AQP7: variants seen among roughly 807,000 people sequenced by gnomAD.
AQP7 encodes aquaporin 7.
Under a neutral mutation model 26.1 loss-of-function variants are expected in AQP7, and 22 were observed. That is an observed-to-expected ratio of 0.84 (90% CI 0.60 to 1.20). AQP7 has a LOEUF of 1.20. AQP7 is among the 50% of genes most tolerant of loss of function. The pLI is 0.00. For synonymous variants in AQP7, 167 were observed against 181.7 expected (o/e 0.92, Z 0.65); for missense variants, 412 against 457.5 (o/e 0.90, Z 0.91).
intron 3 of AQP7, chr9:33,393,877 C>G (rs1382590321): frequency 6.6e-6 from 1 of 152,422 alleles, no homozygotes; most frequent in African/African-American, 2.4e-5. Context: ...GTCATGCAGT[C>G]TGCTCTGGTT....
chr9:33,389,687 G>A (rs16935913), intron 3 of AQP7, among the ~76,000 whole-genome samples: 4,007 of 152,248 alleles, frequency 0.026, 174 homozygotes, highest in African/African-American at 0.091. Flanking sequence ...TTGTAGACAT[G>A]AGGGCCGAAG....
chr9:33,401,540 C>T (rs1023302335), intron 1 of AQP7: 16 of 521,206 alleles, frequency 3.1e-5, no homozygotes, highest in African/African-American at 2.3e-4. Context: ...GCTGACCTTC[C>T]GTGTCTGCAG....
At chr9:33,392,889 A>G (rs1461031676) in intron 3 of AQP7, among the ~76,000 whole-genome samples, 2 of 152,140 alleles carry the variant, frequency 1.3e-5, no homozygotes, top group African/African-American at 4.8e-5. Context: ...TTCTTCACAC[A>G]AGTCCTCCAG....
intron 4 of AQP7, 134 bp from the exon 5 acceptor site, chr9:33,386,675 C>T (rs2118777933): frequency 7.9e-7 from 1 of 1,265,936 alleles, no homozygotes; most frequent in Non-Finnish European, 1.1e-6. Context: ...GCCCTCACAA[C>T]CACCCCGTGA....
intron 3 of AQP7, chr9:33,391,423 C>T (rs111904021): frequency 3.9e-6 from 1 of 254,600 alleles, no homozygotes; most frequent in African/African-American, 2.2e-5. Context: ...GCCCCCGTAG[C>T]ATGTGATCTA....
chr9:33,390,027 C>CAAAAA (rs778333672), intron 3 of AQP7, among the ~76,000 whole-genome samples: 15 of 78,274 alleles, frequency 1.9e-4, no homozygotes, highest in East Asian at 1.4e-3. Context: ...GACTCCGTCT[C>CAAAAA]AAAAAAAAAA....
At chr9:33,399,922 G>T (rs191151020) in intron 2 of AQP7, among the ~76,000 whole-genome samples, 117 of 152,240 alleles carry the variant, frequency 7.7e-4, no homozygotes, top group Admixed American at 1.5e-3. Context: ...AGACATGGGG[G>T]AGAGGGAAGT....
intron 3 of AQP7, among the ~76,000 whole-genome samples, chr9:33,388,728 T>C (rs902666902): frequency 6.6e-6 from 1 of 152,240 alleles, no homozygotes; most frequent in African/African-American, 2.4e-5. Context: ...TTGAATGGCT[T>C]GTCCAAGGTC....
At chr9:33,397,860 C>G (rs1825965121) in intron 2 of AQP7, among the ~76,000 whole-genome samples, 1 of 152,206 alleles carries the variant, frequency 6.6e-6, no homozygotes, top group East Asian at 1.9e-4. Flanking sequence ...CATCACCACA[C>G]AGCTGGCAAG....
chr9:33,387,370 C>T (rs1349590913), intron 3 of AQP7, among the ~76,000 whole-genome samples: 3 of 152,224 alleles, frequency 2.0e-5, no homozygotes, highest in South Asian at 2.1e-4. Context: ...CAGCCCCAGG[C>T]CCACCTGAAG....
chr9:33,401,586 A>G (rs185342355), intron 1 of AQP7: 3 of 430,214 alleles, frequency 7.0e-6, no homozygotes, highest in Non-Finnish European at 1.3e-5. Context: ...CTCAGCCTCT[A>G]CTCAGTGGCT....
At chr9:33,396,871 T>C (rs1825889973) in intron 2 of AQP7, among the ~76,000 whole-genome samples, 4 of 151,218 alleles carry the variant, frequency 2.6e-5, no homozygotes, top group Non-Finnish European at 4.4e-5. Flanking sequence ...CGAGGCGAGC[T>C]GATCGCTTGA....
intron 4 of AQP7, among the ~76,000 whole-genome samples, 170 bp from the exon 5 acceptor site, chr9:33,386,711 C>A (rs1223543219): frequency 6.6e-6 from 1 of 152,256 alleles, no homozygotes; most frequent in African/African-American, 2.4e-5. Flanking sequence ...CTTCGTTTCA[C>A]TCTCAAGGAA....
At chr9:33,398,605 C>A (rs1826019709) in intron 2 of AQP7, among the ~76,000 whole-genome samples, 1 of 152,214 alleles carries the variant, frequency 6.6e-6, no homozygotes, top group South Asian at 2.1e-4. Context: ...CTGGCTAGGG[C>A]AGGTCCTGAC....
chr9:33,387,603 C>T (rs1824978931), intron 3 of AQP7, among the ~76,000 whole-genome samples: 1 of 152,118 alleles, frequency 6.6e-6, no homozygotes. Flanking sequence ...CTGTCTTGCC[C>T]TCAGCTTCAT....
intron 2 of AQP7, among the ~76,000 whole-genome samples, chr9:33,396,532 C>T (rs760536221): frequency 4.0e-5 from 6 of 149,078 alleles, no homozygotes; most frequent in South Asian, 2.2e-4. Context: ...TCTGCATGCC[C>T]GGAAGCTGAC....
chr9:33,388,792 G>A (rs1443275651), intron 3 of AQP7, among the ~76,000 whole-genome samples: 1 of 152,224 alleles, frequency 6.6e-6, no homozygotes, highest in Non-Finnish European at 1.5e-5. Flanking sequence ...ACCTGTGCCA[G>A]ATGGCCTCAA....
At chr9:33,401,486 T>G (rs529444955) in intron 1 of AQP7, 199 bp from the exon 2 acceptor site, 1 of 579,472 alleles carries the variant, frequency 1.7e-6, no homozygotes, top group African/African-American at 1.9e-5. Flanking sequence ...CCACCCATGC[T>G]GGCCCCAGGA....
At chr9:33,390,894 G>A (rs1249121770) in intron 3 of AQP7, among the ~76,000 whole-genome samples, 4 of 152,230 alleles carry the variant, frequency 2.6e-5, no homozygotes, top group African/African-American at 9.7e-5. Context: ...GGCCGATCAT[G>A]AGGTCAGGAG....
Sources: gnomAD v4.1 joint callset for allele counts (sites outside exome capture counted in the v4.1 genomes callset) on GRCh38, gnomAD v4.1.1 for gene constraint, MANE v1.5 for transcripts, NCBI Gene and HGNC (gene_info 2026-07-23, HGNC 2026-07-21) for gene names.